CALM2: variants seen among roughly 807,000 people sequenced by gnomAD.
CALM2 encodes calmodulin 2, also known as calmodulin-2.
Under a neutral mutation model 19.8 loss-of-function variants are expected in CALM2, and 2 were observed. The ratio of observed to expected loss-of-function variants is 0.10; its 90% confidence interval spans 0.04 to 0.32. The LOEUF is 0.32. Ranked by LOEUF, CALM2 falls within the 10% of genes least tolerant of loss-of-function variation. The pLI is 1.00. For missense variants in CALM2, 38 were observed against 178.7 expected (o/e 0.21, Z 4.49); for synonymous variants, 51 against 52.1 (o/e 0.98, Z 0.09).
At position 47,162,267 on chromosome 2, in the gene CALM2, T is replaced by G. The variant is rs768320501; in HGVS notation, c.285+19A>C. ...TTCATTTCATCCTCAAAATTTAACA[T>G]ATCCAGTCCTTGACGTACCTTATCA... is the stretch of plus-strand genomic sequence containing the variant. On this transcript the variant is annotated intron_variant, in intron 4 of 5. Transcript: ENST00000272298. The G allele has an allele frequency of 3.8e-6, 5 of 1,323,976 alleles. No homozygotes were observed. The highest frequency in any genetic ancestry group is 2.0e-4 in the Middle Eastern group (1 of 4,914). 82.0% of individuals were successfully genotyped at this position (1,323,976 alleles called of 1,614,324 possible).
At chr2:47,169,492 C>A (rs954202800) in intron 2 of CALM2, among the ~76,000 whole-genome samples, 1 of 151,886 alleles carries the variant, frequency 6.6e-6, no homozygotes, top group African/African-American at 2.4e-5. Flanking sequence ...ATAGGTGATA[C>A]CTTTAAAACA....
chr2:47,172,518 AAATATC>A, intron 1 of CALM2: 1 of 1,202,326 alleles, frequency 8.3e-7, no homozygotes, highest in Non-Finnish European at 1.1e-6. Context: ...CTACAATGTT[AAATATC>A]AACCTGACTA....
rs1573214341 is a variant in CALM2, at chr2:47,161,845, T to C, written c.299A>G (p.Tyr100Cys). ...FRVFDKDGNG[Y>C]ISAAELRHVM... is the part of the protein sequence containing the mutation. ...ATGGCGAAGTTCTGCAGCACTAATA[T>C]AGCCATTGCCATCCTAGCAAAAAAT... Residue 100 changes from tyrosine to cysteine, a missense_variant, in exon 5 of 6, where the codon TAT becomes TGT. Physicochemically the swap from Tyr to Cys is radical, Grantham distance 194. Transcript: ENST00000272298. The C allele has an allele frequency of 6.2e-7, 1 of 1,610,054 alleles. No individual in the cohort carries two copies. Among genetic ancestry groups the C allele is most frequent in the Non-Finnish European group, 8.5e-7 (1 of 1,178,646 alleles).
intron 1 of CALM2, chr2:47,171,064 A>G (rs529308609): frequency 3.7e-6 from 1 of 270,534 alleles, no homozygotes; most frequent in East Asian, 6.9e-5. Flanking sequence ...GCTCACTTCT[A>G]TTCCAGATAT....
rs529270968 is a variant in CALM2 at position 47,170,293 on chromosome 2, C to G, written c.34+441G>C. On this transcript the variant is annotated intron_variant, in intron 2 of 5. Transcript: ENST00000272298. ...GTTATTCCCTGACTGATTATATATG[C>G]AATTCTTAGGTTAAAATGTTAGCTA... Among the ~76,000 whole-genome samples the G allele has an allele frequency of 3.9e-5, 6 of 152,286 alleles. No homozygotes were observed. In the South Asian group the frequency reaches 1.2e-3, roughly 32 times the overall value.
chr2:47,176,589 C>A, upstream of CALM2: 2 of 1,544,188 alleles, frequency 1.3e-6, no homozygotes, highest in African/African-American at 1.4e-5. Flanking sequence ...GATAACGGAA[C>A]ATCGCAAACG....
At position 47,160,630 on chromosome 2, in the gene CALM2, G is replaced by GA; in HGVS notation, c.*145dup. The GA allele has an allele frequency of 1.9e-6, 1 of 518,834 alleles. No homozygotes were observed. Among genetic ancestry groups the GA allele is most frequent in the Non-Finnish European group, 3.5e-6 (1 of 287,462 alleles). 32.1% of individuals were successfully genotyped at this position (518,834 alleles called of 1,614,324 possible). The stretch of plus-strand genomic sequence containing the variant: ...GGACAATGACAGTAAGATAAGGGAA[G>GA]AAAACATGGAGGAATGAAGTCCTAA... On this transcript the variant is annotated 3_prime_UTR_variant, in exon 6 of 6. Transcript: ENST00000272298.
intron 2 of CALM2, among the ~76,000 whole-genome samples, chr2:47,169,650 G>A (rs764439419): frequency 1.3e-5 from 2 of 152,150 alleles, no homozygotes; most frequent in African/African-American, 2.4e-5. Context: ...GCTTAAATTT[G>A]TCTTTAATAC....
chr2:47,162,430 A>C, intron 3 of CALM2, 38 bp from the exon 4 acceptor site: 1 of 1,604,702 alleles, frequency 6.2e-7, no homozygotes, highest in Non-Finnish European at 8.5e-7. Context: ...GCTTTAGTGG[A>C]AACATATAAG....
rs375578672 is a variant in CALM2, at chr2:47,170,774, G to A, written c.4-10C>T. On this transcript the variant is annotated splice_polypyrimidine_tract_variant and intron_variant, in intron 1 of 5. Coordinates refer to ENST00000272298, the MANE Select transcript of CALM2 (RefSeq NM_001743.6). ...CAGTCAGTTGGTCAGCCTACAAAGA[G>A]ATCAAAGAGGAAGGTTAGTGACTTG... 3.7e-6 allele frequency: 6 copies of A among 1,611,752 alleles called. No individual in the cohort carries two copies. In the African/African-American group the frequency reaches 6.7e-5, roughly 18 times the overall value.
upstream of CALM2, chr2:47,176,848 C>T (rs1468544174): frequency 1.1e-5 from 11 of 985,304 alleles, no homozygotes; most frequent in Non-Finnish European, 1.2e-6. Context: ...CTGGTTTGTA[C>T]CTGCAATGCG....
At chr2:47,173,530 G>A (rs892077754) in intron 1 of CALM2, 1 of 152,144 alleles carries the variant, frequency 6.6e-6, no homozygotes, top group Non-Finnish European at 1.5e-5. Flanking sequence ...CAACACTAAG[G>A]AGCACGACCC....
Position 47,161,625 on chromosome 2 carries a change from TCA to T in CALM2, c.421+96_421+97del, listed in dbSNP as rs113581500. 136,412 of 1,104,254 alleles carry T rather than the reference TCA, an allele frequency of 0.12. 14,446 individuals carry two copies. The highest frequency in any genetic ancestry group is 0.48 in the African/African-American group (30,005 of 62,382). The allele number at this position is 1,104,254 out of a possible 1,614,324, so 68.4% of individuals were successfully genotyped here. A position where few individuals can be genotyped will look rare whatever the true frequency, so the allele number is the denominator to read the frequency against. The stretch of plus-strand genomic sequence containing the variant: ...AAGTAACTGTTTTAGCAACCTAATT[TCA>T]GGGGAAGGGTCACTAATTTCGATCA... On this transcript the variant is annotated intron_variant, in intron 5 of 5. Transcript: ENST00000272298.
At chr2:47,166,066 C>A in intron 2 of CALM2, among the ~76,000 whole-genome samples, 1 of 152,164 alleles carries the variant, frequency 6.6e-6, no homozygotes, top group South Asian at 2.1e-4. Context: ...GTTCATACCA[C>A]ACTAATTGAT....
intron 1 of CALM2, among the ~76,000 whole-genome samples, chr2:47,174,429 A>T (rs1359132911): frequency 1.3e-5 from 2 of 152,006 alleles, no homozygotes; most frequent in Admixed American, 6.6e-5. Flanking sequence ...ATTTTTTTTA[A>T]TTGGATTCCT....
chr2:47,162,187 AAAAAAAAAAAAAAC>A, intron 4 of CALM2, 85 bp downstream of exon 4: 1 of 452,322 alleles, frequency 2.2e-6, no homozygotes, highest in Non-Finnish European at 3.8e-6. Flanking sequence ...AAAAAAAAAA[AAAAAAAAAAAAAAC>A]AACCAAAAAA....
chr2:47,173,194 G>A (rs1379111781), intron 1 of CALM2: 1 of 152,122 alleles, frequency 6.6e-6, no homozygotes, highest in African/African-American at 2.4e-5. Context: ...AGACTTCCTA[G>A]CACTAACTTT....
chr2:47,173,362 G>A (rs1573230805), intron 1 of CALM2: 1 of 152,160 alleles, frequency 6.6e-6, no homozygotes, highest in African/African-American at 2.4e-5. Flanking sequence ...CTAGAGAGAT[G>A]ACTTGTTCTT....
At chr2:47,176,600 A>G (rs573956588), upstream of CALM2, 4 of 1,534,760 alleles carry the variant, frequency 2.6e-6, no homozygotes, top group East Asian at 4.9e-5. Flanking sequence ...ATCGCAAACG[A>G]GTCCCGGCCA....
Sources: gnomAD v4.1 joint callset for allele counts (sites outside exome capture counted in the v4.1 genomes callset) on GRCh38, gnomAD v4.1.1 for gene constraint, MANE v1.5 for transcripts, NCBI Gene and HGNC (gene_info 2026-07-23, HGNC 2026-07-21) for gene names.